Variants in NT5DC3 observed in about 807,000 individuals in gnomAD.
The protein encoded by NT5DC3 is 5'-nucleotidase domain containing 3.
NT5DC3 carries 42 observed loss-of-function variants against 67.8 expected under a neutral mutation model. The observed-to-expected ratio is 0.62, with a 90% CI of 0.48 to 0.80. NT5DC3 has a LOEUF of 0.80. NT5DC3 is among the 30% of genes least tolerant of loss of function. The pLI is 0.00. For synonymous variants in NT5DC3, 237 were observed against 255.6 expected (o/e 0.93, Z 0.69); for missense variants, 570 against 696.4 (o/e 0.82, Z 2.04).
chr12:103,788,850 C>T lies in NT5DC3; in HGVS notation c.1089G>A (p.Gln363=). The change falls in exon 10 of 14, where the codon CAG becomes CAA. Residue 363 remains glutamine (Q), a synonymous_variant. Transcript: ENST00000392876. ...WDKIHKLQKG[Q]IYKQGNLYEF... ...GGTCATGAGATACCTGCTTGTATAT[C>T]TGGCCTTTCTGCAACTTATGGATTT... is the stretch of plus-strand genomic sequence containing the variant. The T allele has an allele frequency of 6.2e-7, 1 of 1,611,018 alleles. No homozygotes were observed. The highest frequency in any genetic ancestry group is 1.1e-5 in the South Asian group (1 of 91,008).
chr12:103,840,466 A>AT (rs2139506755), intron 1 of NT5DC3, among the ~76,000 whole-genome samples: 1 of 23,614 alleles, frequency 4.2e-5, no homozygotes, highest in African/African-American at 1.7e-4. Context: ...ATCCCAACCC[A>AT]CCCCCACCAA....
chr12:103,777,701 A>C lies in NT5DC3; in HGVS notation c.*128T>G, dbSNP rs570285301. 7.3e-6 allele frequency: 8 copies of C among 1,092,728 alleles called. No homozygotes were observed. Among genetic ancestry groups the C allele is most frequent in the African/African-American group, 6.3e-5 (4 of 63,838 alleles). 67.7% of individuals were successfully genotyped at this position (1,092,728 alleles called of 1,614,324 possible). A position where few individuals can be genotyped will look rare whatever the true frequency, so the allele number is the denominator to read the frequency against. The stretch of plus-strand genomic sequence containing the variant: ...ACCATTGGGAGAATTATTCTCCGTA[A>C]GGTACAAAATAAATATCAAAAGGCT... On this transcript the variant is annotated 3_prime_UTR_variant, in exon 14 of 14. Coordinates refer to ENST00000392876, the MANE Select transcript of NT5DC3 (RefSeq NM_001031701.3).
the NT5DC3 span, among the ~76,000 whole-genome samples, chr12:103,764,626 T>C: frequency 6.6e-6 from 1 of 152,200 alleles, no homozygotes; most frequent in Admixed American, 6.5e-5. Context: ...TCCACCATGT[T>C]GAAGTTTGTA....
the NT5DC3 span, chr12:103,762,129 C>T: frequency 2.8e-6 from 3 of 1,077,830 alleles, no homozygotes; most frequent in East Asian, 2.4e-5. Flanking sequence ...GGTATTAGAC[C>T]CTGGCAGTAA....
chr12:103,831,989 C>G (rs1284923804), intron 1 of NT5DC3, among the ~76,000 whole-genome samples: 6 of 151,916 alleles, frequency 3.9e-5, no homozygotes, highest in Admixed American at 2.0e-4. Flanking sequence ...GTTGCCCAGG[C>G]TGGTCTCAAA....
At chr12:103,804,314 A>G (rs1271299699) in intron 4 of NT5DC3, among the ~76,000 whole-genome samples, 2 of 152,226 alleles carry the variant, frequency 1.3e-5, no homozygotes, top group Non-Finnish European at 2.9e-5. Flanking sequence ...TCTTGACTTA[A>G]CACTGATAAC....
At chr12:103,796,832 G>GT in intron 6 of NT5DC3, 62 bp downstream of exon 6, 1 of 1,582,048 alleles carries the variant, frequency 6.3e-7, no homozygotes, top group Non-Finnish European at 8.7e-7. Flanking sequence ...TCAAGACTCT[G>GT]TGACTCCCAC....
intron 3 of NT5DC3, 96 bp downstream of exon 3, chr12:103,806,759 A>T: frequency 1.3e-6 from 1 of 775,956 alleles, no homozygotes; most frequent in Non-Finnish European, 2.2e-6. Context: ...AACATAATTT[A>T]AAACTAATTT....
chr12:103,808,870 C>A (rs1319817936), intron 2 of NT5DC3, among the ~76,000 whole-genome samples: 1 of 152,230 alleles, frequency 6.6e-6, no homozygotes, highest in Non-Finnish European at 1.5e-5. Flanking sequence ...GAGAGCGGTG[C>A]CTTCACTGAG....
At chr12:103,801,735 T>G (rs1886594740) in intron 4 of NT5DC3, among the ~76,000 whole-genome samples, 1 of 152,230 alleles carries the variant, frequency 6.6e-6, no homozygotes, top group Non-Finnish European at 1.5e-5. Context: ...AAAGGCTGTT[T>G]TTGTCTCCAT....
chr12:103,815,325 C>T (rs1887204586), intron 1 of NT5DC3, among the ~76,000 whole-genome samples: 1 of 152,130 alleles, frequency 6.6e-6, no homozygotes, highest in African/African-American at 2.4e-5. Flanking sequence ...AATCCATAGG[C>T]ACAGAAAGGA....
the NT5DC3 span, chr12:103,748,992 G>A: frequency 1.2e-6 from 2 of 1,614,012 alleles, no homozygotes; most frequent in South Asian, 1.1e-5. Flanking sequence ...GGACAACGGG[G>A]GCTGTGCAAA....
chr12:103,755,516 C>A, the NT5DC3 span: 15 of 1,608,140 alleles, frequency 9.3e-6, no homozygotes, highest in Admixed American at 2.2e-4. Flanking sequence ...AGCTGCTGAG[C>A]AATCCTCAGC....
chr12:103,754,927 CAG>C, the NT5DC3 span, among the ~76,000 whole-genome samples: 1 of 144,802 alleles, frequency 6.9e-6, no homozygotes, highest in Non-Finnish European at 1.5e-5. Context: ...GCCTGGGTGA[CAG>C]AGCAAGACTC....
At chr12:103,798,794 G>A (rs887835147) in intron 4 of NT5DC3, 117 bp from the exon 5 acceptor site, 1 of 673,600 alleles carries the variant, frequency 1.5e-6, no homozygotes, top group Non-Finnish European at 2.6e-6. Context: ...ATCATGACGA[G>A]GCAAAATGTG....
intron 2 of NT5DC3, among the ~76,000 whole-genome samples, chr12:103,809,471 C>T (rs568308475): frequency 2.0e-5 from 3 of 152,274 alleles, no homozygotes; most frequent in South Asian, 4.1e-4. Context: ...TCCGTTCTCA[C>T]GCTGCTGATA....
At chr12:103,765,336 A>G in the NT5DC3 span, among the ~76,000 whole-genome samples, 1 of 152,200 alleles carries the variant, frequency 6.6e-6, no homozygotes, top group South Asian at 2.1e-4. Context: ...TAAACCTACT[A>G]TTCAGACTAC....
chr12:103,817,035 C>CA (rs1887290824), intron 1 of NT5DC3, among the ~76,000 whole-genome samples: 2 of 112,974 alleles, frequency 1.8e-5, no homozygotes, highest in African/African-American at 3.2e-5. Flanking sequence ...TCCATAACAG[C>CA]AAAAAGAAAA....
chr12:103,757,937 G>C, the NT5DC3 span: 1 of 566,950 alleles, frequency 1.8e-6, no homozygotes, highest in Non-Finnish European at 3.1e-6. Context: ...AAGCAGCCAC[G>C]TGGAGGATGG....
Sources: gnomAD v4.1 joint callset for allele counts (sites outside exome capture counted in the v4.1 genomes callset) on GRCh38, gnomAD v4.1.1 for gene constraint, MANE v1.5 for transcripts, NCBI Gene and HGNC (gene_info 2026-07-23, HGNC 2026-07-21) for gene names.